MALRD1: variants seen among roughly 807,000 people sequenced by gnomAD.
MALRD1 encodes MAM and LDL receptor class A domain containing 1.
Under a neutral mutation model 242.1 loss-of-function variants are expected in MALRD1, and 247 were observed. The observed-to-expected ratio is 1.02, with a 90% CI of 0.92 to 1.13. The LOEUF is 1.13. Ranked by LOEUF, MALRD1 falls within the 50% of genes most tolerant of loss-of-function variation. The probability of loss-of-function intolerance (pLI) is 0.00; values close to 1 mark genes in which losing one functional copy is unlikely to be tolerated. For missense variants in MALRD1, 2,989 were observed against 2,533.1 expected (o/e 1.18, Z -3.86); for synonymous variants, 995 against 866.6 (o/e 1.15, Z -2.60).
intron 5 of MALRD1, among the ~76,000 whole-genome samples, chr10:19,114,573 C>T (rs1019702314): frequency 3.3e-5 from 5 of 151,956 alleles, no homozygotes; most frequent in South Asian, 2.1e-4. Flanking sequence ...TGAGCTGAGA[C>T]GGCACCACTG....
At chr10:19,515,528 C>T (rs1157578829) in intron 31 of MALRD1, among the ~76,000 whole-genome samples, 3 of 151,568 alleles carry the variant, frequency 2.0e-5, no homozygotes, top group Non-Finnish European at 2.9e-5. Context: ...ACAGATTTCC[C>T]GTAGCCTCAA....
intron 21 of MALRD1, among the ~76,000 whole-genome samples, chr10:19,291,185 G>A (rs1449588535): frequency 4.6e-5 from 7 of 152,064 alleles, no homozygotes; most frequent in East Asian, 1.9e-4. Context: ...ATTCCCTTAA[G>A]CAAAATAAAG....
At chr10:19,669,991 T>C (rs1170994487) in intron 36 of MALRD1, among the ~76,000 whole-genome samples, 1 of 152,136 alleles carries the variant, frequency 6.6e-6, no homozygotes, top group African/African-American at 2.4e-5. Context: ...TCAAGACTTC[T>C]AGTGCAACTT....
chr10:19,548,242 G>T (rs1042506683), intron 32 of MALRD1, among the ~76,000 whole-genome samples: 12 of 151,666 alleles, frequency 7.9e-5, no homozygotes, highest in Non-Finnish European at 1.2e-4. Flanking sequence ...CAGGTGATTT[G>T]CCCCCCTCTG....
At chr10:19,225,037 G>T (rs1025736370) in intron 18 of MALRD1, among the ~76,000 whole-genome samples, 1 of 152,130 alleles carries the variant, frequency 6.6e-6, no homozygotes, top group African/African-American at 2.4e-5. Flanking sequence ...AAGGGGTCCA[G>T]TTTCAGCTTT....
chr10:19,357,751 TC>T (rs1394438419), intron 26 of MALRD1, among the ~76,000 whole-genome samples: 1 of 152,160 alleles, frequency 6.6e-6, no homozygotes, highest in African/African-American at 2.4e-5. Flanking sequence ...AGTAACAACA[TC>T]CATTAAACTT....
chr10:19,584,848 G>A (rs1285323077), intron 33 of MALRD1, among the ~76,000 whole-genome samples: 2 of 151,850 alleles, frequency 1.3e-5, no homozygotes, highest in Non-Finnish European at 2.9e-5. Context: ...CATTATTAAT[G>A]TGTGGGAGTC....
At chr10:19,259,325 G>A (rs1358007040) in intron 19 of MALRD1, among the ~76,000 whole-genome samples, 1 of 152,002 alleles carries the variant, frequency 6.6e-6, no homozygotes, top group African/African-American at 2.4e-5. Flanking sequence ...GCCAATTTAT[G>A]GTGTATTAGT....
rs1435566047 is a variant in MALRD1 at position 19,384,418 on chromosome 10, A to C, written c.4442-3110A>C. ...ATATATTATATAGTATATATAATAT[A>C]ATATTTACCATATATTATATATTAT... On this transcript the variant is annotated intron_variant, in intron 26 of 39. Transcript: ENST00000454679. 1.2e-4 allele frequency among the ~76,000 whole-genome samples: 3 copies of C among 24,002 alleles called. No homozygotes were observed. The South Asian group carries it at 2.0e-3, about 16-fold the overall frequency. 15.7% of individuals were successfully genotyped at this position (24,002 alleles called of 152,430 possible). A position where few individuals can be genotyped will look rare whatever the true frequency, so the allele number is the denominator to read the frequency against.
intron 36 of MALRD1, among the ~76,000 whole-genome samples, chr10:19,684,517 A>C (rs943354330): frequency 6.6e-6 from 1 of 152,120 alleles, no homozygotes; most frequent in Non-Finnish European, 1.5e-5. Context: ...GCACTTGGGG[A>C]GGCTGGGGCA....
intron 23 of MALRD1, among the ~76,000 whole-genome samples, chr10:19,330,388 G>A (rs901101300): frequency 4.6e-5 from 7 of 151,860 alleles, no homozygotes; most frequent in African/African-American, 1.7e-4. Context: ...AAAAATAATT[G>A]TCCAGAATTG....
Position 19,238,468 on chromosome 10 carries a change from A to ATT in MALRD1, c.2992-19216_2992-19215insTT, listed in dbSNP as rs373763200. On this transcript the variant is annotated intron_variant, in intron 18 of 39. Transcript: ENST00000454679. ...ATACATTATATATAATATATAATAT[A>ATT]ATATATAATATACATTATATATAAT... Among the ~76,000 whole-genome samples, 99 of 38,046 alleles carry ATT rather than the reference A, an allele frequency of 2.6e-3. 12 individuals are homozygous for ATT. Among genetic ancestry groups the ATT allele is most frequent in the Middle Eastern group, 0.033 (1 of 30 alleles). 25.0% of individuals were successfully genotyped at this position (38,046 alleles called of 152,430 possible). A position where few individuals can be genotyped will look rare whatever the true frequency, so the allele number is the denominator to read the frequency against.
chr10:19,245,762 G>C (rs1330351895), intron 18 of MALRD1, among the ~76,000 whole-genome samples: 1 of 152,138 alleles, frequency 6.6e-6, no homozygotes, highest in Non-Finnish European at 1.5e-5. Flanking sequence ...TTTAGCAAAA[G>C]CTGTTAGTGA....
At chr10:19,707,298 A>G (rs144087510) in intron 38 of MALRD1, among the ~76,000 whole-genome samples, 38 of 152,054 alleles carry the variant, frequency 2.5e-4, no homozygotes, top group African/African-American at 8.7e-4. Context: ...GCCCAGCCCA[A>G]TGCACATCAC....
intron 36 of MALRD1, among the ~76,000 whole-genome samples, chr10:19,683,134 G>GAAAAAAAAA: frequency 6.6e-6 from 1 of 150,958 alleles, no homozygotes; most frequent in African/African-American, 2.4e-5. Flanking sequence ...ATCTCTACCG[G>GAAAAAAAAA]AAAAAAAAAA....
intron 31 of MALRD1, among the ~76,000 whole-genome samples, chr10:19,529,309 C>G (rs72788573): frequency 6.6e-6 from 1 of 151,980 alleles, no homozygotes; most frequent in African/African-American, 2.4e-5. Context: ...TTTTACAGTA[C>G]TTGTACTACC....
At chr10:19,341,262 A>G (rs957728070) in intron 24 of MALRD1, among the ~76,000 whole-genome samples, 6 of 151,836 alleles carry the variant, frequency 4.0e-5, no homozygotes, top group Non-Finnish European at 8.8e-5. Context: ...AGAAACTTGT[A>G]AAAATGAGCA....
chr10:19,145,480 C>G (rs774898793), intron 10 of MALRD1, among the ~76,000 whole-genome samples: 2 of 151,668 alleles, frequency 1.3e-5, no homozygotes, highest in African/African-American at 2.4e-5. Context: ...ACTGTCTCTC[C>G]TAAAAATAAA....
chr10:19,282,975 T>G, intron 20 of MALRD1, 44 bp from the exon 21 acceptor site: 17 of 1,414,952 alleles, frequency 1.2e-5, no homozygotes, highest in Non-Finnish European at 1.6e-5. Flanking sequence ...AGATAGAAAC[T>G]GCCACTTACT....
Sources: allele counts gnomAD v4.1 joint callset (sites outside exome capture counted in the v4.1 genomes callset), GRCh38; gene constraint gnomAD v4.1.1; transcripts MANE v1.5; gene names NCBI Gene and HGNC (gene_info 2026-07-23, HGNC 2026-07-21).